Variants in CHIA observed in about 807,000 individuals in gnomAD.
CHIA encodes chitinase acidic.
CHIA carries 47 observed loss-of-function variants against 53.5 expected under a neutral mutation model. That is an observed-to-expected ratio of 0.88 (90% CI 0.70 to 1.12). CHIA has a LOEUF of 1.12. Ranked by LOEUF, CHIA falls within the 50% of genes most tolerant of loss-of-function variation. CHIA has a pLI of 0.00. For synonymous variants in CHIA, 268 were observed against 222.2 expected, an observed-to-expected ratio of 1.21 and a Z score of -1.83; for missense variants, 652 against 592.2, an observed-to-expected ratio of 1.10 and a Z score of -1.05.
chr1:111,310,611 A>C (rs1648591138), intron 2 of CHIA, 119 bp downstream of exon 2: 1 of 1,529,566 alleles, frequency 6.5e-7, no homozygotes, highest in African/African-American at 1.4e-5. Flanking sequence ...TTCTTCTTTC[A>C]TCATTTCAAA....
intron 1 of CHIA, among the ~76,000 whole-genome samples, chr1:111,303,793 C>G (rs1647960224): frequency 2.0e-5 from 3 of 152,114 alleles, no homozygotes; most frequent in South Asian, 2.1e-4. Flanking sequence ...TACAATAATA[C>G]TAGCTTTTAT....
In CHIA at chr1:111,301,482, G is replaced by A. The variant is rs796293910; in HGVS notation, c.-68-8918G>A. ...TGGGAGGCCGAGGTGGGCAGATCAC[G>A]AGGTCAGGAGATCAAGACCATCCTG... On this transcript the variant is annotated intron_variant, in intron 1 of 11. Coordinates refer to ENST00000369740, the MANE Select transcript of CHIA (RefSeq NM_201653.4). Among the ~76,000 whole-genome samples, 6 of 151,950 alleles carry A rather than the reference G, an allele frequency of 3.9e-5. No homozygotes were observed. In the South Asian group the frequency reaches 8.3e-4, roughly 21 times the overall value.
chr1:111,307,111 G>A (rs1187688864), intron 1 of CHIA, among the ~76,000 whole-genome samples: 1 of 152,152 alleles, frequency 6.6e-6, no homozygotes, highest in African/African-American at 2.4e-5. Flanking sequence ...GTAAACACTG[G>A]AAAAACTGTT....
intron 4 of CHIA, among the ~76,000 whole-genome samples, chr1:111,313,788 C>A (rs936525594): frequency 6.6e-6 from 1 of 152,076 alleles, no homozygotes; most frequent in African/African-American, 2.4e-5. Context: ...AAATTTAGAT[C>A]TTTAATCCAT....
At position 111,315,400 on chromosome 1, in the gene CHIA, C is replaced by T. The variant is rs772586251; in HGVS notation, c.445C>T (p.Pro149Ser). 32 of 1,614,006 alleles carry T rather than the reference C, an allele frequency of 2.0e-5. No homozygotes were observed. The Middle Eastern group carries it at 4.9e-4, about 25-fold the overall frequency. The change falls in exon 6 of 12, where the codon CCT becomes TCT. Residue 149 changes from proline to serine, a missense_variant. By Grantham distance (74) the Pro-to-Ser change is moderately conservative. Coordinates refer to ENST00000369740, the MANE Select transcript of CHIA (RefSeq NM_201653.4). ...GTACCCTGGCTCTCGTGGGAGCCCT[C>T]CTCAGGACAAGCATCTCTTCACTGT... ...WEYPGSRGSP[P>S]QDKHLFTVLV... is the part of the protein sequence containing the mutation.
intron 1 of CHIA, among the ~76,000 whole-genome samples, chr1:111,299,046 G>T (rs750625429): frequency 6.6e-6 from 1 of 151,988 alleles, no homozygotes; most frequent in Non-Finnish European, 1.5e-5. Context: ...AGGAAGAAGT[G>T]GAATCTCTGA....
intron 9 of CHIA, 33 bp from the exon 10 acceptor site, chr1:111,319,087 T>C (rs1284664961): frequency 1.3e-6 from 2 of 1,597,876 alleles, no homozygotes; most frequent in Non-Finnish European, 1.7e-6. Context: ...GGGAGTAACA[T>C]TTAATAGATT....
intron 1 of CHIA, among the ~76,000 whole-genome samples, chr1:111,292,020 A>G (rs893121487): frequency 1.3e-5 from 2 of 152,208 alleles, no homozygotes; most frequent in African/African-American, 4.8e-5. Flanking sequence ...TCTTAAAAAT[A>G]GTAATTGTAA....
chr1:111,314,225 A>G (rs1288749247), intron 4 of CHIA, among the ~76,000 whole-genome samples: 1 of 152,210 alleles, frequency 6.6e-6, no homozygotes, highest in Admixed American at 6.5e-5. Context: ...AACATTTACC[A>G]TTTTATCTGA....
intron 4 of CHIA, among the ~76,000 whole-genome samples, chr1:111,314,299 A>G (rs1440444721): frequency 6.6e-6 from 1 of 152,232 alleles, no homozygotes; most frequent in African/African-American, 2.4e-5. Flanking sequence ...GATACTGCCA[A>G]CACACAATAT....
rs548583456 is a variant in CHIA at position 111,318,128 on chromosome 1, G to A, written c.729+19G>A. The A allele has an allele frequency of 2.7e-5, 42 of 1,584,288 alleles. No homozygotes were observed. The South Asian group carries it at 4.1e-4, about 16-fold the overall frequency. On this transcript the variant is annotated intron_variant, in intron 8 of 11. Coordinates refer to ENST00000369740, the MANE Select transcript of CHIA (RefSeq NM_201653.4). ...CAATGTGGTGAGTCCCTGTACAGAT[G>A]CAAGAGCAGACCAGAGATGATGATG... is the stretch of plus-strand genomic sequence containing the variant.
intron 3 of CHIA, 128 bp from the exon 4 acceptor site, chr1:111,312,062 C>T: frequency 1.4e-6 from 1 of 726,276 alleles, no homozygotes; most frequent in Non-Finnish European, 2.4e-6. Context: ...AGTGTTCATA[C>T]TAATTACCTC....
chr1:111,302,120 T>C (rs1301750023), intron 1 of CHIA, among the ~76,000 whole-genome samples: 1 of 152,236 alleles, frequency 6.6e-6, no homozygotes, highest in Non-Finnish European at 1.5e-5. Context: ...TTTTTATTTC[T>C]GATTTTAGTA....
chr1:111,294,192 T>A (rs1425609063), intron 1 of CHIA, among the ~76,000 whole-genome samples: 1 of 152,242 alleles, frequency 6.6e-6, no homozygotes, highest in Non-Finnish European at 1.5e-5. Flanking sequence ...GTCTTCCAAC[T>A]CATGAACATG....
intron 1 of CHIA, among the ~76,000 whole-genome samples, chr1:111,293,346 T>A (rs1421506377): frequency 1.3e-5 from 2 of 152,216 alleles, no homozygotes; most frequent in African/African-American, 4.8e-5. Context: ...GCATTAAGCA[T>A]CTTTTTATGT....
At chr1:111,296,895 G>A (rs556561732) in intron 1 of CHIA, among the ~76,000 whole-genome samples, 102 of 152,228 alleles carry the variant, frequency 6.7e-4, no homozygotes, top group East Asian at 9.6e-4. Context: ...CTGACAGAAC[G>A]GAAAACCATG....
At chr1:111,306,594 G>A (rs975133458) in intron 1 of CHIA, among the ~76,000 whole-genome samples, 3 of 152,040 alleles carry the variant, frequency 2.0e-5, no homozygotes, top group Admixed American at 6.6e-5. Context: ...CAAGTGGTGT[G>A]CATTTGACTT....
intron 1 of CHIA, among the ~76,000 whole-genome samples, chr1:111,296,757 C>T (rs1259202320): frequency 1.3e-5 from 2 of 152,016 alleles, no homozygotes; most frequent in African/African-American, 4.8e-5. Flanking sequence ...TTCAGAAGGT[C>T]GATAATAACA....
At chr1:111,299,018 T>A (rs966059694) in intron 1 of CHIA, among the ~76,000 whole-genome samples, 26 of 151,898 alleles carry the variant, frequency 1.7e-4, no homozygotes, top group African/African-American at 6.3e-4. Context: ...GACACATACA[T>A]CCTCCCAAGA....
Sources: allele counts gnomAD v4.1 joint callset (sites outside exome capture counted in the v4.1 genomes callset), GRCh38; gene constraint gnomAD v4.1.1; transcripts MANE v1.5; gene names NCBI Gene and HGNC (gene_info 2026-07-23, HGNC 2026-07-21).